PIK3R3: variants seen among roughly 807,000 people sequenced by gnomAD.
PIK3R3 encodes phosphatidylinositol 3-kinase regulatory subunit gamma.
Under a neutral mutation model 62.9 loss-of-function variants are expected in PIK3R3, and 64 were observed. That is an observed-to-expected ratio of 1.02 (90% CI 0.83 to 1.25). PIK3R3 has a LOEUF of 1.25. Ranked by LOEUF, PIK3R3 falls within the 50% of genes most tolerant of loss-of-function variation. The pLI is 0.00. For missense variants in PIK3R3, 614 were observed against 561.6 expected (o/e 1.09, Z -0.94); for synonymous variants, 165 against 189.0 (o/e 0.87, Z 1.04).
chr1:46,097,818 G>T (rs183399122), intron 1 of PIK3R3, among the ~76,000 whole-genome samples: 5 of 151,542 alleles, frequency 3.3e-5, no homozygotes, highest in African/African-American at 4.9e-5. Flanking sequence ...GAACCCAGGA[G>T]GGGGAGGTTG....
chr1:46,115,158 A>G (rs1239175269), intron 1 of PIK3R3, among the ~76,000 whole-genome samples: 3 of 151,974 alleles, frequency 2.0e-5, no homozygotes, highest in Admixed American at 1.3e-4. Flanking sequence ...CCCGTTTGAG[A>G]AAAAAAAGCT....
At chr1:46,150,187 G>A in the PIK3R3 span, among the ~76,000 whole-genome samples, 1 of 152,020 alleles carries the variant, frequency 6.6e-6, no homozygotes, top group East Asian at 1.9e-4. Context: ...AAAATCCCCC[G>A]TCTATGTCCT....
the PIK3R3 span, among the ~76,000 whole-genome samples, chr1:46,158,547 A>G: frequency 3.9e-5 from 6 of 152,342 alleles, no homozygotes; most frequent in African/African-American, 9.6e-5. Flanking sequence ...TGCTTTATAC[A>G]GTGGCTACTA....
In PIK3R3 at chr1:46,122,433, G is replaced by A. The variant is rs914712872; in HGVS notation, c.106+9414C>T. 5.9e-5 allele frequency among the ~76,000 whole-genome samples: 9 copies of A among 152,088 alleles called. No individual in the cohort carries two copies. The East Asian group carries it at 1.4e-3, about 23-fold the overall frequency. ...CACCCAGGCTGGAGTGCAGTGGCGC[G>A]ATCTCAGCTTGCTGCAACCTCTGCC... is the stretch of plus-strand genomic sequence containing the variant. On this transcript the variant is annotated intron_variant, in intron 1 of 9. Transcript: ENST00000262741.
chr1:46,058,179 TTGAGCC>T (rs1648118570), intron 6 of PIK3R3, among the ~76,000 whole-genome samples: 1 of 152,222 alleles, frequency 6.6e-6, no homozygotes, highest in South Asian at 2.1e-4. Context: ...CCATGTGGCA[TTGAGCC>T]TGCAGGTGCA....
At chr1:46,064,358 T>C (rs899195814) in intron 5 of PIK3R3, among the ~76,000 whole-genome samples, 1 of 151,784 alleles carries the variant, frequency 6.6e-6, no homozygotes, top group African/African-American at 2.4e-5. Flanking sequence ...CTGGCCAACA[T>C]GATGAACCCC....
intron 3 of PIK3R3, among the ~76,000 whole-genome samples, chr1:46,071,591 G>A (rs1321717071): frequency 6.7e-6 from 1 of 149,816 alleles, no homozygotes; most frequent in African/African-American, 2.5e-5. Context: ...AGACTCAGGA[G>A]GCTGAGGCAG....
intron 7 of PIK3R3, among the ~76,000 whole-genome samples, chr1:46,047,507 A>G (rs1707339): frequency 0.67 from 101,918 of 151,402 alleles, 34,566 homozygotes; most frequent in Non-Finnish European, 0.71. Context: ...TAGTATTTTA[A>G]ATGTAAAATG....
chr1:46,096,623 G>C (rs1652147182), intron 1 of PIK3R3, among the ~76,000 whole-genome samples: 2 of 152,134 alleles, frequency 1.3e-5, no homozygotes, highest in Non-Finnish European at 2.9e-5. Context: ...AACTGGCCAG[G>C]TGCAGTGGCT....
chr1:46,072,874 G>A (rs1408124560), intron 3 of PIK3R3, among the ~76,000 whole-genome samples: 2 of 151,980 alleles, frequency 1.3e-5, no homozygotes, highest in Non-Finnish European at 2.9e-5. Context: ...GGAGCCTCAA[G>A]GCTTCAGTGA....
the PIK3R3 span, among the ~76,000 whole-genome samples, chr1:46,164,674 C>T: frequency 1.7e-4 from 26 of 152,184 alleles, no homozygotes; most frequent in Admixed American, 1.4e-3. Context: ...AAGCCCCCCA[C>T]CTTGCCCCAG....
At chr1:46,125,165 A>G (rs1031774032) in intron 1 of PIK3R3, among the ~76,000 whole-genome samples, 2 of 152,174 alleles carry the variant, frequency 1.3e-5, no homozygotes, top group African/African-American at 4.8e-5. Flanking sequence ...ATGAGAATAA[A>G]TTTTAAAAGC....
At chr1:46,113,469 T>A (rs1475858921) in intron 1 of PIK3R3, among the ~76,000 whole-genome samples, 1 of 151,890 alleles carries the variant, frequency 6.6e-6, no homozygotes, top group Non-Finnish European at 1.5e-5. Context: ...AGATTTTTTT[T>A]AAAGAGATGG....
chr1:46,066,967 G>A lies in PIK3R3; in HGVS notation c.439C>T (p.Gln147Ter), dbSNP rs1280941990. 4 of 1,613,122 alleles carry A rather than the reference G, an allele frequency of 2.5e-6. No individual in the cohort carries two copies. Among genetic ancestry groups the A allele is most frequent in the Non-Finnish European group, 3.4e-6 (4 of 1,179,526 alleles). ...TTCACATCAAGTTTGGGATTGTACTGAGCAAGAGATTCATGGTGATAGTGG... is the reference window on the plus strand; with the variant it reads ...TTCACATCAAGTTTGGGATTGTACTAAGCAAGAGATTCATGGTGATAGTGG... The part of the protein sequence containing the change: ...INHYHHESLA[Q>*]YNPKLDVKLM... Residue 147 changes from glutamine to a stop codon, truncating the protein, a stop_gained, in exon 4 of 10, where the codon CAG becomes TAG. Transcript: ENST00000262741. LOFTEE classifies it high-confidence loss of function.
rs1646981251 is a variant in PIK3R3 at position 46,040,720 on chromosome 1, A to C, written c.*2953T>G. 1 of 202,008 alleles carries C rather than the reference A, an allele frequency of 5.0e-6. No homozygotes were observed. Among genetic ancestry groups the C allele is most frequent in the African/African-American group, 2.3e-5 (1 of 43,552 alleles). 12.5% of individuals were successfully genotyped at this position (202,008 alleles called of 1,614,324 possible). Reference sequence around the variant, plus strand: ...CATGGGGCTGATTACTTGTAGCAAAAAAGAGACCCGTGGAAGACACATTGG... The same window carrying C: ...CATGGGGCTGATTACTTGTAGCAAACAAGAGACCCGTGGAAGACACATTGG... On this transcript the variant is annotated 3_prime_UTR_variant, in exon 10 of 10. Coordinates refer to ENST00000262741, the MANE Select transcript of PIK3R3 (RefSeq NM_003629.4).
At chr1:46,141,516 C>T in the PIK3R3 span, among the ~76,000 whole-genome samples, 2 of 152,052 alleles carry the variant, frequency 1.3e-5, no homozygotes, top group Non-Finnish European at 2.9e-5. Flanking sequence ...GGGGATCCAC[C>T]TGCCTCGGCC....
chr1:46,077,814 C>T lies in PIK3R3; in HGVS notation c.216-201G>A, dbSNP rs138092030. 1.2e-4 allele frequency among the ~76,000 whole-genome samples: 18 copies of T among 152,196 alleles called. No individual in the cohort carries two copies. In the East Asian group the frequency reaches 2.5e-3, roughly 21 times the overall value. The stretch of plus-strand genomic sequence containing the variant: ...CTTTCTGTTTTGATTTTTGGTGTTA[C>T]GCAATCTACAGAAGAGCTATTTGAT... On this transcript the variant is annotated intron_variant, in intron 2 of 9. Coordinates refer to ENST00000262741, the MANE Select transcript of PIK3R3 (RefSeq NM_003629.4).
chr1:46,055,394 GC>G (rs1647790626), intron 7 of PIK3R3, among the ~76,000 whole-genome samples: 2 of 152,204 alleles, frequency 1.3e-5, no homozygotes, highest in Non-Finnish European at 2.9e-5. Context: ...ACAGGCGTAA[GC>G]CACAGTGCCC....
chr1:46,099,601 C>T (rs932913655), intron 1 of PIK3R3, among the ~76,000 whole-genome samples: 1 of 152,072 alleles, frequency 6.6e-6, no homozygotes, highest in African/African-American at 2.4e-5. Flanking sequence ...ATTTTCTCAC[C>T]GTTCTCTACC....
Sources: allele counts gnomAD v4.1 joint callset (sites outside exome capture counted in the v4.1 genomes callset), GRCh38; gene constraint gnomAD v4.1.1; transcripts MANE v1.5; gene names NCBI Gene and HGNC (gene_info 2026-07-23, HGNC 2026-07-21).